Variants in PSIP1 observed in about 807,000 individuals in gnomAD.
The protein encoded by PSIP1 is PC4 and SRSF1 interacting protein 1.
A neutral mutation model predicts 74.7 loss-of-function variants in PSIP1; 19 were observed. The ratio of observed to expected loss-of-function variants is 0.25; its 90% CI spans 0.18 to 0.37. PSIP1 has a LOEUF of 0.37. Among genes scored for constraint, PSIP1 ranks in the 10% least tolerant of loss-of-function variants. The pLI, the probability that PSIP1 is intolerant of heterozygous loss-of-function variation, is 1.00. For synonymous variants in PSIP1, 222 were observed against 195.3 expected (o/e 1.14, Z -1.14); for missense variants, 601 against 614.3 (o/e 0.98, Z 0.23).
intron 3 of PSIP1, among the ~76,000 whole-genome samples, chr9:15,492,522 T>C (rs1340135640): frequency 6.6e-6 from 1 of 152,192 alleles, no homozygotes; most frequent in Non-Finnish European, 1.5e-5. Context: ...TGTCTGCAGC[T>C]TTTCCAGGTG....
At chr9:15,471,757 T>TTTATA (rs1409124832) in intron 10 of PSIP1, 1 of 960,898 alleles carries the variant, frequency 1.0e-6, no homozygotes, top group Admixed American at 6.2e-5. Context: ...TACGGATATA[T>TTTATA]TATATAAAGA....
rs748936160 is a variant in PSIP1, at chr9:15,469,960, A to G, written c.1011T>C (p.Val337=). 6.2e-7 allele frequency: 1 copy of G among 1,608,108 alleles called. No homozygotes were observed. The highest frequency in any genetic ancestry group is 8.5e-7 in the Non-Finnish European group (1 of 1,178,196). The change falls in exon 11 of 16, where the codon GTT becomes GTC. Residue 337 remains valine (V), a synonymous_variant. Transcript: ENST00000380733. ...AACCTCGCTTCTTCTCCACTTTCTT[A>G]ACTTCTGGCTTCTTTCCTTCATCTT... The part of the protein sequence containing the change: ...QNKDEGKKPE[V]KKVEKKRETS...
At chr9:15,481,302 C>T (rs2036325068) in intron 6 of PSIP1, among the ~76,000 whole-genome samples, 1 of 152,198 alleles carries the variant, frequency 6.6e-6, no homozygotes, top group Non-Finnish European at 1.5e-5. Context: ...CATAATTTGT[C>T]TAAAATTCAG....
chr9:15,506,850 C>T (rs192844018), intron 2 of PSIP1, among the ~76,000 whole-genome samples: 2 of 152,292 alleles, frequency 1.3e-5, no homozygotes, highest in African/African-American at 2.4e-5. Flanking sequence ...CCTGGACTGA[C>T]ATTGAGGGTA....
At chr9:15,487,058 C>T (rs1471377110) in intron 4 of PSIP1, 127 bp from the exon 5 acceptor site, 10 of 527,106 alleles carry the variant, frequency 1.9e-5, no homozygotes, top group Admixed American at 3.9e-5. Context: ...GAGGCAGTGG[C>T]GCAATTATGG....
intron 10 of PSIP1, chr9:15,471,348 G>C: frequency 6.4e-7 from 1 of 1,564,774 alleles, no homozygotes; most frequent in Non-Finnish European, 8.8e-7. Context: ...ACAGGAGAAG[G>C]AAAGAAAACA....
chr9:15,501,336 G>C (rs1274226985), intron 3 of PSIP1, among the ~76,000 whole-genome samples: 1 of 150,666 alleles, frequency 6.6e-6, no homozygotes, highest in African/African-American at 2.4e-5. Flanking sequence ...ATGATGACAA[G>C]ATAGACAAGG....
rs78657714 is a variant in PSIP1, at chr9:15,491,603, A to G, written c.150-1479T>C. Among the ~76,000 whole-genome samples, 53 of 152,368 alleles carry G rather than the reference A, an allele frequency of 3.5e-4. No homozygotes were observed. In the East Asian group the frequency reaches 8.1e-3, roughly 23 times the overall value. ...TAATTTACTAGGAGGTTATGTCCCA[A>G]TAAGTCCACTGTAAATCTAAAATAT... On this transcript the variant is annotated intron_variant, in intron 3 of 15. Coordinates refer to ENST00000380733, the MANE Select transcript of PSIP1 (RefSeq NM_033222.5).
rs562523260 is a variant in PSIP1 at position 15,493,637 on chromosome 9, G to C, written c.150-3513C>G. On this transcript the variant is annotated intron_variant, in intron 3 of 15. Coordinates refer to ENST00000380733, the MANE Select transcript of PSIP1 (RefSeq NM_033222.5). The stretch of plus-strand genomic sequence containing the variant: ...AGAGGTTTAATTGACTCAAAGTTCC[G>C]CATGGCTGGGGAGGCCTCAGGAAAC... Among the ~76,000 whole-genome samples, 133 of 152,270 alleles carry C rather than the reference G, an allele frequency of 8.7e-4. 2 individuals carry two copies. The South Asian group carries it at 0.026, about 30-fold the overall frequency.
intron 3 of PSIP1, among the ~76,000 whole-genome samples, chr9:15,497,681 G>T (rs1190133473): frequency 6.6e-6 from 1 of 152,044 alleles, no homozygotes; most frequent in Non-Finnish European, 1.5e-5. Context: ...CTACCACCTA[G>T]ACCAAGGTGG....
intron 8 of PSIP1, among the ~76,000 whole-genome samples, 153 bp downstream of exon 8, chr9:15,478,324 C>A (rs1587478827): frequency 6.6e-6 from 1 of 151,862 alleles, no homozygotes. Flanking sequence ...TTTTACTTTA[C>A]AAAATTTTCC....
chr9:15,508,354 T>A (rs1362434624), intron 2 of PSIP1, among the ~76,000 whole-genome samples: 1 of 152,166 alleles, frequency 6.6e-6, no homozygotes, highest in Non-Finnish European at 1.5e-5. Flanking sequence ...AATGGAGGTG[T>A]TTCTCAGAAA....
At chr9:15,482,996 T>C (rs1373058731) in intron 6 of PSIP1, among the ~76,000 whole-genome samples, 1 of 152,192 alleles carries the variant, frequency 6.6e-6, no homozygotes, top group Non-Finnish European at 1.5e-5. Context: ...CTTGTTTAGC[T>C]TGATACCCTC....
rs773209424 is a variant in PSIP1, at chr9:15,486,077, G to T, written c.394-9C>A. On this transcript the variant is annotated splice_polypyrimidine_tract_variant and intron_variant, in intron 5 of 15. Transcript: ENST00000380733. ...ACTGCTTTAGTCACATCCTAAAAAA[G>T]AAAAAAGAAAACTGAATACTGAATA... 1 of 1,578,910 alleles carries T rather than the reference G, an allele frequency of 6.3e-7. No individual in the cohort carries two copies. Among genetic ancestry groups the T allele is most frequent in the South Asian group, 1.2e-5 (1 of 86,662 alleles).
chr9:15,465,884 C>A, intron 15 of PSIP1: 1 of 276,466 alleles, frequency 3.6e-6, no homozygotes, highest in East Asian at 7.1e-5. Context: ...CTTTAAAGAA[C>A]ATGAGAATGT....
chr9:15,470,848 T>C, intron 10 of PSIP1: 1 of 1,060,560 alleles, frequency 9.4e-7, no homozygotes, highest in Non-Finnish European at 1.1e-6. Context: ...TGAATTTTTA[T>C]ATTTTCTAGA....
At chr9:15,492,124 A>G (rs1177976935) in intron 3 of PSIP1, 5 of 152,222 alleles carry the variant, frequency 3.3e-5, no homozygotes, top group Non-Finnish European at 7.3e-5. Flanking sequence ...TGCCCTTCCA[A>G]CAGTCCCCAT....
chr9:15,487,960 C>T (rs961897710), intron 4 of PSIP1, among the ~76,000 whole-genome samples: 33 of 152,208 alleles, frequency 2.2e-4, no homozygotes, highest in African/African-American at 7.2e-4. Context: ...TTTATATGTT[C>T]CAGATAGAAC....
chr9:15,490,401 C>T (rs952518708), intron 3 of PSIP1, among the ~76,000 whole-genome samples: 13 of 152,092 alleles, frequency 8.5e-5, no homozygotes, highest in African/African-American at 1.2e-4. Flanking sequence ...ATGGTTACAT[C>T]GCCATGCGTG....
Sources: gnomAD v4.1 joint callset for allele counts (sites outside exome capture counted in the v4.1 genomes callset) on GRCh38, gnomAD v4.1.1 for gene constraint, MANE v1.5 for transcripts, NCBI Gene and HGNC (gene_info 2026-07-23, HGNC 2026-07-21) for gene names.